The following PLPPR1 variants were observed in gnomAD, a reference collection of about 807,000 sequenced individuals.
PLPPR1 encodes phospholipid phosphatase related 1.
In PLPPR1, 10 loss-of-function variants were observed where a neutral mutation model predicts 33.1. That is an observed-to-expected ratio of 0.30 (90% CI 0.19 to 0.51). The LOEUF is 0.51. Among genes scored for constraint, PLPPR1 ranks in the 20% least tolerant of loss-of-function variants. The pLI, the probability that PLPPR1 is intolerant of heterozygous loss-of-function variation, is 0.97. For synonymous variants in PLPPR1, 151 were observed against 151.0 expected (o/e 1.00, Z 0.00); for missense variants, 304 against 408.1 (o/e 0.74, Z 2.20).
At chr9:101,312,135 A>G (rs1030620743) in intron 5 of PLPPR1, among the ~76,000 whole-genome samples, 3 of 152,220 alleles carry the variant, frequency 2.0e-5, no homozygotes, top group Non-Finnish European at 2.9e-5. Context: ...TTAATATTTT[A>G]AGAAACAGTG....
At chr9:101,099,686 A>C (rs1436158224) in intron 1 of PLPPR1, among the ~76,000 whole-genome samples, 1 of 152,164 alleles carries the variant, frequency 6.6e-6, no homozygotes, top group Non-Finnish European at 1.5e-5. Flanking sequence ...ATACAGGAGA[A>C]TGACCATGCG....
chr9:101,309,492 C>A (rs754979067), intron 5 of PLPPR1, 31 bp downstream of exon 5: 4 of 1,605,126 alleles, frequency 2.5e-6, no homozygotes, highest in Admixed American at 3.4e-5. Flanking sequence ...TCTCCTAAGT[C>A]CAGTTTTTGA....
chr9:101,119,621 A>G (rs1831155645), intron 1 of PLPPR1, among the ~76,000 whole-genome samples: 2 of 152,258 alleles, frequency 1.3e-5, no homozygotes, highest in African/African-American at 4.8e-5. Context: ...ATTAGGGAAT[A>G]TCAATGGGAA....
chr9:101,043,865 T>C (rs964000125), intron 1 of PLPPR1, among the ~76,000 whole-genome samples: 3 of 152,146 alleles, frequency 2.0e-5, no homozygotes, highest in African/African-American at 7.2e-5. Context: ...GGTGGTATCA[T>C]ATTGTGGTTT....
chr9:101,226,018 T>C (rs1482340867), intron 2 of PLPPR1, among the ~76,000 whole-genome samples: 1 of 152,042 alleles, frequency 6.6e-6, no homozygotes, highest in Non-Finnish European at 1.5e-5. Context: ...ACCTCATGTC[T>C]CCTGACTCCC....
chr9:101,274,833 T>C (rs1828160026), intron 3 of PLPPR1, among the ~76,000 whole-genome samples: 2 of 152,202 alleles, frequency 1.3e-5, no homozygotes, highest in Non-Finnish European at 2.9e-5. Flanking sequence ...CCAGTAACTG[T>C]GTGACCTCTG....
intron 1 of PLPPR1, among the ~76,000 whole-genome samples, chr9:101,111,175 TA>T (rs1831051362): frequency 6.6e-6 from 1 of 152,170 alleles, no homozygotes; most frequent in Non-Finnish European, 1.5e-5. Flanking sequence ...TTCTTCTTTT[TA>T]TTTTTAAATC....
chr9:101,037,555 A>C (rs1830024031), intron 1 of PLPPR1, among the ~76,000 whole-genome samples: 1 of 152,104 alleles, frequency 6.6e-6, no homozygotes, highest in South Asian at 2.1e-4. Flanking sequence ...AATTAACAAG[A>C]ATAATATCTG....
chr9:101,313,005 C>CCCCT (rs780902622), intron 6 of PLPPR1, 31 bp downstream of exon 6: 3 of 1,608,036 alleles, frequency 1.9e-6, no homozygotes, highest in Non-Finnish European at 1.7e-6. Context: ...TTACCTTTTC[C>CCCCT]CCCTCTTCTA....
chr9:101,292,438 G>C (rs1787177347), intron 4 of PLPPR1, among the ~76,000 whole-genome samples: 1 of 152,138 alleles, frequency 6.6e-6, no homozygotes, highest in Non-Finnish European at 1.5e-5. Context: ...GAAATACAGA[G>C]AATGCCACAA....
At chr9:101,216,011 G>A (rs867385252) in intron 2 of PLPPR1, among the ~76,000 whole-genome samples, 18 of 152,204 alleles carry the variant, frequency 1.2e-4, no homozygotes, top group African/African-American at 4.3e-4. Flanking sequence ...TATCAGCAGT[G>A]GGATTACGGG....
chr9:101,040,565 G>A (rs916496713), intron 1 of PLPPR1, among the ~76,000 whole-genome samples: 6 of 152,112 alleles, frequency 3.9e-5, no homozygotes, highest in Admixed American at 2.6e-4. Context: ...CTTTGCGTTT[G>A]CTGTTAGCTC....
chr9:101,088,618 A>G (rs1830705573), intron 1 of PLPPR1, among the ~76,000 whole-genome samples: 1 of 152,178 alleles, frequency 6.6e-6, no homozygotes, highest in Non-Finnish European at 1.5e-5. Context: ...GTTGATTTTC[A>G]TGATAGCTAT....
In PLPPR1 at chr9:101,316,622, A is replaced by G. The variant is rs560384215; in HGVS notation, c.814-743A>G. ...AAGGAGGGTTCTTCTTGGGCAAAAA[A>G]AAAAAAGCAGGGAAGATGGTAGAAA... On this transcript the variant is annotated intron_variant, in intron 6 of 7. Coordinates refer to ENST00000374874, the MANE Select transcript of PLPPR1 (RefSeq NM_207299.2). Among the ~76,000 whole-genome samples, 3 of 150,856 alleles carry G rather than the reference A, an allele frequency of 2.0e-5. No homozygotes were observed. The South Asian group carries it at 6.3e-4, about 32-fold the overall frequency.
intron 1 of PLPPR1, among the ~76,000 whole-genome samples, chr9:101,153,810 C>G (rs1285906903): frequency 6.6e-6 from 1 of 151,642 alleles, no homozygotes; most frequent in Non-Finnish European, 1.5e-5. Flanking sequence ...GTCTTGATCT[C>G]CTGACCTCGT....
At chr9:101,040,005 A>G (rs1416988009) in intron 1 of PLPPR1, among the ~76,000 whole-genome samples, 2 of 152,130 alleles carry the variant, frequency 1.3e-5, no homozygotes, top group Non-Finnish European at 2.9e-5. Context: ...ACTTTTCAGA[A>G]TATCATCTTT....
chr9:101,180,863 G>A (rs555101968), intron 1 of PLPPR1, among the ~76,000 whole-genome samples: 1 of 151,828 alleles, frequency 6.6e-6, no homozygotes, highest in African/African-American at 2.4e-5. Context: ...AAAAGCACAA[G>A]CACAAGCAAA....
chr9:101,049,827 A>T (rs922987827), intron 1 of PLPPR1, among the ~76,000 whole-genome samples: 9 of 139,678 alleles, frequency 6.4e-5, no homozygotes, highest in Admixed American at 1.4e-4. Context: ...GCCTTGATTT[A>T]AAAAAAAAAA....
chr9:101,039,588 G>A (rs1290974913), intron 1 of PLPPR1, among the ~76,000 whole-genome samples: 1 of 152,124 alleles, frequency 6.6e-6, no homozygotes, highest in Non-Finnish European at 1.5e-5. Context: ...ACATACCTGA[G>A]ACTGGGCAAT....
Sources: allele counts gnomAD v4.1 joint callset (sites outside exome capture counted in the v4.1 genomes callset), GRCh38; gene constraint gnomAD v4.1.1; transcripts MANE v1.5; gene names NCBI Gene and HGNC (gene_info 2026-07-23, HGNC 2026-07-21).